KCNG2: variants seen among roughly 807,000 people sequenced by gnomAD.
The protein encoded by KCNG2 is voltage-gated potassium channel regulatory subunit KCNG2.
KCNG2 carries 7 observed loss-of-function variants against 12.3 expected under a neutral mutation model. The observed-to-expected ratio is 0.57, with a 90% CI of 0.32 to 1.07. The LOEUF (loss-of-function observed/expected upper bound fraction) is 1.07, where lower values mean the gene tolerates loss of function less well. Among genes scored for constraint, KCNG2 ranks in the 50% least tolerant of loss-of-function variants. KCNG2 has a pLI of 0.04. For synonymous variants in KCNG2, 414 were observed against 351.4 expected, an observed-to-expected ratio of 1.18 and a Z score of -1.99; for missense variants, 703 against 726.0, an observed-to-expected ratio of 0.97 and a Z score of 0.36.
chr18:79,862,197 TG>T (rs1473932571), intron 2 of KCNG2, among the ~76,000 whole-genome samples: 8 of 152,260 alleles, frequency 5.3e-5, no homozygotes, highest in African/African-American at 1.9e-4. Flanking sequence ...TGTAATTTTT[TG>T]TTGAAAATGA....
chr18:79,832,892 G>T (rs1342167635), intron 1 of KCNG2, among the ~76,000 whole-genome samples: 2 of 152,182 alleles, frequency 1.3e-5, no homozygotes, highest in East Asian at 3.9e-4. Context: ...GGCACCTTAA[G>T]GTAGATCACG....
intron 1 of KCNG2, among the ~76,000 whole-genome samples, 29 bp from the exon 2 acceptor site, chr18:79,856,350 T>A (rs961949221): frequency 6.6e-6 from 1 of 152,172 alleles, no homozygotes; most frequent in Non-Finnish European, 1.5e-5. Flanking sequence ...CTCTGTCCCT[T>A]AGGGTGAAAC....
At position 79,822,317 on chromosome 18, in the gene KCNG2, A is replaced by C. The variant is rs143517275; in HGVS notation, c.-115+24303A>C. The stretch of plus-strand genomic sequence containing the variant: ...TACTTTAAAACCCCACTCAGATGTC[A>C]CCGCGTTCTTCATACTAGAGCCACG... On this transcript the variant is annotated intron_variant, in intron 1 of 3. Transcript: ENST00000316249. This position sits in a 1 kb window ranked among gnomAD's most constrained non-coding sequence, Gnocchi z 4.4. Among the ~76,000 whole-genome samples the C allele has an allele frequency of 3.8e-4, 58 of 152,110 alleles. No homozygotes were observed. The East Asian group carries it at 0.011, about 28-fold the overall frequency.
intron 1 of KCNG2, among the ~76,000 whole-genome samples, chr18:79,813,596 C>T (rs867973270): frequency 6.6e-6 from 1 of 152,152 alleles, no homozygotes; most frequent in Admixed American, 6.5e-5. Flanking sequence ...CCACCTGCTA[C>T]ACAAATCAAC....
rs1053582771 is a variant in KCNG2 at position 79,899,363 on chromosome 18, C to T, written c.948C>T (p.Arg316=). The T allele has an allele frequency of 1.3e-5, 20 of 1,554,292 alleles. No homozygotes were observed. The highest frequency in any genetic ancestry group is 9.5e-5 in the Admixed American group (5 of 52,608). Residue 316 remains arginine, a synonymous_variant, in exon 4 of 4, where the codon CGC becomes CGT. Transcript: ENST00000316249. ...TGCGTTCGCTGGGCCTGACCATGCGCCGCTGCGCGCGCGAGTTCGGGCTGC... is the reference window on the plus strand; with the variant it reads ...TGCGTTCGCTGGGCCTGACCATGCGTCGCTGCGCGCGCGAGTTCGGGCTGC... The part of the protein sequence containing the change: ...LGLRSLGLTM[R]RCAREFGLLL...
intron 1 of KCNG2, among the ~76,000 whole-genome samples, chr18:79,851,310 G>A (rs1425513689): frequency 6.6e-6 from 1 of 151,972 alleles, no homozygotes; most frequent in African/African-American, 2.4e-5. Context: ...TCAAGATATC[G>A]GGATATCAGG....
At chr18:79,895,164 C>T (rs975951782) in intron 3 of KCNG2, among the ~76,000 whole-genome samples, 4 of 151,436 alleles carry the variant, frequency 2.6e-5, no homozygotes, top group African/African-American at 9.7e-5. Flanking sequence ...GGGTCTGTGT[C>T]TGCTTTTGAT....
rs772033449 is a variant in KCNG2 at position 79,875,104 on chromosome 18, G to A, written c.624+10813G>A. Among the ~76,000 whole-genome samples, 5 of 152,278 alleles carry A rather than the reference G, an allele frequency of 3.3e-5. No individual in the cohort carries two copies. In the East Asian group the frequency reaches 9.6e-4, roughly 29 times the overall value. ...GAGAAACTAGAATCTCTTCGCCAGG[G>A]TGGGTCATAGAAACCACAACCCCTT... On this transcript the variant is annotated intron_variant, in intron 3 of 3. Transcript: ENST00000316249.
At chr18:79,894,872 C>A (rs1980901297) in intron 3 of KCNG2, among the ~76,000 whole-genome samples, 1 of 151,604 alleles carries the variant, frequency 6.6e-6, no homozygotes, top group South Asian at 2.1e-4. Flanking sequence ...CCATTCACAT[C>A]TAATGGTACG....
intron 3 of KCNG2, among the ~76,000 whole-genome samples, chr18:79,872,841 A>C (rs888347637): frequency 6.6e-6 from 1 of 152,210 alleles, no homozygotes; most frequent in Non-Finnish European, 1.5e-5. Context: ...AGTGCTCAGC[A>C]CACAGAATCA....
Position 79,803,908 on chromosome 18 carries a change from T to A in KCNG2, c.-115+5894T>A, listed in dbSNP as rs1213940508. On this transcript the variant is annotated intron_variant, in intron 1 of 3. Coordinates refer to ENST00000316249, the MANE Select transcript of KCNG2 (RefSeq NM_012283.2). This position sits in a 1 kb window ranked among gnomAD's most constrained non-coding sequence, Gnocchi z 4.5. ...CGGGGTTGGTGCCGGTGGATCAGAA[T>A]CTTAGGCCTGGCCTGGCCGTGTCAC... Among the ~76,000 whole-genome samples the A allele has an allele frequency of 6.6e-6, 1 of 152,150 alleles. No individual in the cohort carries two copies. The highest frequency in any genetic ancestry group is 1.5e-5 in the Non-Finnish European group (1 of 68,024).
intron 3 of KCNG2, among the ~76,000 whole-genome samples, chr18:79,883,443 C>T (rs529365069): frequency 1.3e-5 from 2 of 152,384 alleles, no homozygotes; most frequent in Middle Eastern, 6.8e-3. Context: ...TCCCTGACAA[C>T]TCCCCAAAAT....
chr18:79,826,409 A>ACAAC (rs1746450587), intron 1 of KCNG2, among the ~76,000 whole-genome samples: 1 of 152,242 alleles, frequency 6.6e-6, no homozygotes, highest in Non-Finnish European at 1.5e-5. Context: ...ACGAAGCTTC[A>ACAAC]CAACTGAGCG....
chr18:79,864,178 C>A lies in KCNG2; in HGVS notation c.511C>A (p.His171Asn). ...RRLRDVVDNP[H>N]SGLAGKLFAC... The stretch of plus-strand genomic sequence containing the variant: ...CCTGCGCGACGTGGTGGACAACCCG[C>A]ACTCGGGGCTGGCGGGCAAGCTCTT... Residue 171 changes from histidine to asparagine, a missense_variant, in exon 3 of 4, where the codon CAC (histidine) becomes AAC (asparagine). His to Asn is a moderately conservative substitution (Grantham distance 68). Coordinates refer to ENST00000316249, the MANE Select transcript of KCNG2 (RefSeq NM_012283.2). 1 of 1,517,658 alleles carries A rather than the reference C, an allele frequency of 6.6e-7. No individual in the cohort carries two copies. The highest frequency in any genetic ancestry group is 8.8e-7 in the Non-Finnish European group (1 of 1,136,998). The allele number at this position is 1,517,658 out of a possible 1,614,324, so 94.0% of individuals were successfully genotyped here.
At chr18:79,882,770 C>T (rs1431032586) in intron 3 of KCNG2, among the ~76,000 whole-genome samples, 1 of 146,168 alleles carries the variant, frequency 6.8e-6, no homozygotes, top group Non-Finnish European at 1.6e-5. Flanking sequence ...GCGCGGAGGC[C>T]GGGTACACCT....
intron 1 of KCNG2, among the ~76,000 whole-genome samples, chr18:79,824,563 A>G (rs1737732280): frequency 6.6e-6 from 1 of 152,208 alleles, no homozygotes; most frequent in African/African-American, 2.4e-5. Flanking sequence ...TATCAGAGGT[A>G]GTGGGTATCC....
Position 79,868,051 on chromosome 18 carries a change from G to A in KCNG2, c.624+3760G>A, listed in dbSNP as rs1331984439. Among the ~76,000 whole-genome samples the A allele has an allele frequency of 4.6e-5, 7 of 152,212 alleles. No individual in the cohort carries two copies. In the South Asian group the frequency reaches 1.4e-3, roughly 32 times the overall value. On this transcript the variant is annotated intron_variant, in intron 3 of 3. Transcript: ENST00000316249. ...TCCCCATGAGGTCCAGGTCCTGATC[G>A]TGCTTCCAAAAGGTGCTGGAGTGTT... is the stretch of plus-strand genomic sequence containing the variant.
chr18:79,804,042 A>C (rs1348042243), intron 1 of KCNG2, among the ~76,000 whole-genome samples: 1 of 152,138 alleles, frequency 6.6e-6, no homozygotes, highest in Non-Finnish European at 1.5e-5. Context: ...GCTGCATGGC[A>C]CTGAATGCCT....
At chr18:79,867,329 C>A (rs1196306297) in intron 3 of KCNG2, among the ~76,000 whole-genome samples, 1 of 151,898 alleles carries the variant, frequency 6.6e-6, no homozygotes, top group Non-Finnish European at 1.5e-5. Flanking sequence ...TGTGGGTCAA[C>A]CTATGTTACC....
Sources: gnomAD v4.1 joint callset for allele counts (sites outside exome capture counted in the v4.1 genomes callset) on GRCh38, gnomAD v4.1.1 for gene constraint, Gnocchi (gnomAD v3.1) non-coding constraint, MANE v1.5 for transcripts, NCBI Gene and HGNC (gene_info 2026-07-23, HGNC 2026-07-21) for gene names.